The following ENTREP2 variants were observed in gnomAD, a reference collection of about 807,000 sequenced individuals.
ENTREP2 encodes the protein protein ENTREP2.
At chr15:29,250,118 C>T in the ENTREP2 span, among the ~76,000 whole-genome samples, 1 of 152,090 alleles carries the variant, frequency 6.6e-6, no homozygotes. Flanking sequence ...AAATCCAAAC[C>T]ATATCAATAG....
the ENTREP2 span, among the ~76,000 whole-genome samples, chr15:29,174,163 T>C: frequency 1.3e-5 from 2 of 152,222 alleles, no homozygotes; most frequent in African/African-American, 4.8e-5. Flanking sequence ...CAGGTATTAC[T>C]CTTGATTTTG....
At chr15:29,303,734 G>T in the ENTREP2 span, among the ~76,000 whole-genome samples, 1 of 150,670 alleles carries the variant, frequency 6.6e-6, no homozygotes, top group African/African-American at 2.4e-5. Context: ...TTATAAGTGA[G>T]AACATGTGGT....
At chr15:29,383,104 G>T in the ENTREP2 span, among the ~76,000 whole-genome samples, 1 of 152,040 alleles carries the variant, frequency 6.6e-6, no homozygotes, top group Non-Finnish European at 1.5e-5. Flanking sequence ...TGTCTCCTGA[G>T]CCCTTTGTCT....
At chr15:29,275,513 T>TTA in the ENTREP2 span, among the ~76,000 whole-genome samples, 1 of 152,172 alleles carries the variant, frequency 6.6e-6, no homozygotes. Context: ...TTCAAACACT[T>TTA]TATGTTAATG....
chr15:29,346,622 G>C, the ENTREP2 span, among the ~76,000 whole-genome samples: 1 of 152,158 alleles, frequency 6.6e-6, no homozygotes, highest in Non-Finnish European at 1.5e-5. Flanking sequence ...TCCACAAAAA[G>C]AGTACTTTCA....
At chr15:29,532,538 G>T in the ENTREP2 span, among the ~76,000 whole-genome samples, 1 of 152,172 alleles carries the variant, frequency 6.6e-6, no homozygotes, top group African/African-American at 2.4e-5. Flanking sequence ...CCTACCAAGA[G>T]AAGCTGCAAC....
At chr15:29,599,108 G>A in the ENTREP2 span, among the ~76,000 whole-genome samples, 1 of 152,162 alleles carries the variant, frequency 6.6e-6, no homozygotes, top group African/African-American at 2.4e-5. Flanking sequence ...TTTTTAAGAG[G>A]ATTTTTAAAC....
the ENTREP2 span, among the ~76,000 whole-genome samples, chr15:29,165,023 T>C: frequency 6.6e-6 from 1 of 152,130 alleles, no homozygotes; most frequent in African/African-American, 2.4e-5. Context: ...AAAGGAACCT[T>C]CAAAACCATG....
chr15:29,201,688 A>G, the ENTREP2 span, among the ~76,000 whole-genome samples: 90 of 152,280 alleles, frequency 5.9e-4, 1 homozygote, highest in African/African-American at 2.1e-3. Flanking sequence ...TATTTTGTTA[A>G]GGATTTTTGT....
the ENTREP2 span, chr15:29,196,297 G>A: frequency 2.3e-4 from 202 of 896,022 alleles, 1 homozygote; most frequent in Non-Finnish European, 3.2e-4. Flanking sequence ...TCTCTGGAAA[G>A]ATATTCCCTC....
the ENTREP2 span, among the ~76,000 whole-genome samples, chr15:29,391,167 CAT>C: frequency 1.3e-5 from 2 of 151,950 alleles, no homozygotes; most frequent in African/African-American, 2.4e-5. Flanking sequence ...AGGCCTCTAC[CAT>C]CTGTCTCTAC....
At chr15:29,586,593 T>C in the ENTREP2 span, among the ~76,000 whole-genome samples, 1 of 151,918 alleles carries the variant, frequency 6.6e-6, no homozygotes, top group African/African-American at 2.4e-5. Context: ...GGCGGATCCC[T>C]TTAGGTCAGG....
At chr15:29,420,144 C>T in the ENTREP2 span, among the ~76,000 whole-genome samples, 37 of 152,252 alleles carry the variant, frequency 2.4e-4, no homozygotes, top group South Asian at 2.1e-3. Flanking sequence ...GATTCAGGCA[C>T]GAGTCTCAAT....
chr15:29,452,136 GA>G, the ENTREP2 span, among the ~76,000 whole-genome samples: 43 of 152,156 alleles, frequency 2.8e-4, no homozygotes, highest in Non-Finnish European at 5.4e-4. Context: ...GCCAAACCCA[GA>G]AATGTTTAAC....
the ENTREP2 span, among the ~76,000 whole-genome samples, chr15:29,155,930 T>C: frequency 6.6e-6 from 1 of 152,150 alleles, no homozygotes; most frequent in Non-Finnish European, 1.5e-5. Context: ...GTAGCAGGAC[T>C]AGGCGGACTG....
the ENTREP2 span, among the ~76,000 whole-genome samples, chr15:29,407,347 T>C: frequency 6.6e-6 from 1 of 152,154 alleles, no homozygotes; most frequent in African/African-American, 2.4e-5. Flanking sequence ...CAGTCCGTCA[T>C]TGAGGGAAGC....
At chr15:29,359,377 C>G in the ENTREP2 span, among the ~76,000 whole-genome samples, 1 of 152,166 alleles carries the variant, frequency 6.6e-6, no homozygotes, top group African/African-American at 2.4e-5. Flanking sequence ...TTTCTTCCTC[C>G]AAAAGTCACT....
At chr15:29,582,017 C>T in the ENTREP2 span, among the ~76,000 whole-genome samples, 1 of 150,654 alleles carries the variant, frequency 6.6e-6, no homozygotes, top group Non-Finnish European at 1.5e-5. Flanking sequence ...TCTCAGCTCA[C>T]TGCAACCTCT....
At chr15:29,301,449 G>A in the ENTREP2 span, among the ~76,000 whole-genome samples, 41 of 152,120 alleles carry the variant, frequency 2.7e-4, no homozygotes, top group African/African-American at 8.2e-4. Context: ...TCTCTACACC[G>A]TCTGCTTTTC....
Sources: allele counts gnomAD v4.1 joint callset (sites outside exome capture counted in the v4.1 genomes callset), GRCh38; gene constraint gnomAD v4.1.1; transcripts MANE v1.5; gene names NCBI Gene and HGNC (gene_info 2026-07-23, HGNC 2026-07-21).